Variants in TENM2 observed in about 807,000 individuals in gnomAD.
TENM2 encodes the protein teneurin transmembrane protein 2.
TENM2 carries 52 observed loss-of-function variants against 245.2 expected under a neutral mutation model. The ratio of observed to expected loss-of-function variants is 0.21; its 90% CI spans 0.17 to 0.27. The LOEUF (loss-of-function observed/expected upper bound fraction) is 0.27. TENM2 is among the 10% of genes least tolerant of loss of function. TENM2 has a pLI of 1.00. For synonymous variants in TENM2, 1,363 were observed against 1,438.9 expected (o/e 0.95, Z 1.19); for missense variants, 3,046 against 3,666.8 (o/e 0.83, Z 4.37).
intron 2 of TENM2, among the ~76,000 whole-genome samples, chr5:167,401,150 G>C (rs547311766): frequency 6.6e-6 from 1 of 152,154 alleles, no homozygotes; most frequent in South Asian, 2.1e-4. Context: ...AAAAATAAAA[G>C]CTGAGCGAAC....
At chr5:167,626,964 T>C (rs999277779) in intron 2 of TENM2, among the ~76,000 whole-genome samples, 9 of 152,110 alleles carry the variant, frequency 5.9e-5, no homozygotes, top group African/African-American at 1.9e-4. Context: ...CTGATTAGAG[T>C]TGTCCTCCCT....
chr5:167,535,755 C>A (rs867778884), intron 2 of TENM2, among the ~76,000 whole-genome samples: 1 of 152,176 alleles, frequency 6.6e-6, no homozygotes, highest in African/African-American at 2.4e-5. Flanking sequence ...GACTTCCCAG[C>A]CACCAGAACT....
At chr5:168,138,547 C>T (rs1755263469) in intron 12 of TENM2, among the ~76,000 whole-genome samples, 1 of 152,218 alleles carries the variant, frequency 6.6e-6, no homozygotes, top group South Asian at 2.1e-4. Flanking sequence ...CACAGGTGCT[C>T]GTGGCCCTCC....
rs58260826 is a variant in TENM2 at position 168,243,572 on chromosome 5, A to T, written c.5521-848A>T. 9.4e-3 allele frequency among the ~76,000 whole-genome samples: 1,429 copies of T among 152,312 alleles called. 19 individuals are homozygous for T. The highest frequency in any genetic ancestry group is 0.031 in the African/African-American group (1,273 of 41,556). ...CCACTCTTCTAGGTAACTTTACTTA[A>T]GATTTCATAAGAAATTATGGCACCT... is the stretch of plus-strand genomic sequence containing the variant. On this transcript the variant is annotated intron_variant, in intron 25 of 28. Transcript: ENST00000518659.
At chr5:167,127,119 GATGAATA>G in the TENM2 span, among the ~76,000 whole-genome samples, 2 of 151,938 alleles carry the variant, frequency 1.3e-5, no homozygotes, top group African/African-American at 4.8e-5. Flanking sequence ...GGCCAGGAAA[GATGAATA>G]ATTTTGTCTT....
At chr5:167,639,465 T>TCTTA (rs1224457328) in intron 2 of TENM2, among the ~76,000 whole-genome samples, 1 of 152,208 alleles carries the variant, frequency 6.6e-6, no homozygotes, top group African/African-American at 2.4e-5. Context: ...TGACTTTGTC[T>TCTTA]CTTACCACTT....
At chr5:167,575,302 C>T (rs966231936) in intron 2 of TENM2, among the ~76,000 whole-genome samples, 11 of 151,922 alleles carry the variant, frequency 7.2e-5, no homozygotes, top group Admixed American at 2.0e-4. Context: ...TAAAAGAATC[C>T]TCCTCTGGAA....
intron 2 of TENM2, among the ~76,000 whole-genome samples, chr5:167,854,642 A>G (rs1770902644): frequency 1.3e-5 from 2 of 152,132 alleles, no homozygotes; most frequent in African/African-American, 4.8e-5. Flanking sequence ...AATTGGCATC[A>G]TTTTCAAATA....
chr5:167,243,629 A>G, the TENM2 span, among the ~76,000 whole-genome samples: 1 of 151,938 alleles, frequency 6.6e-6, no homozygotes. Flanking sequence ...GACAGGGCAT[A>G]TTTCTCTCAG....
At chr5:167,895,138 C>A (rs1390254311) in intron 3 of TENM2, among the ~76,000 whole-genome samples, 1 of 152,106 alleles carries the variant, frequency 6.6e-6, no homozygotes, top group Non-Finnish European at 1.5e-5. Context: ...CTGAGACTTT[C>A]TATTAGAATA....
chr5:167,991,204 A>G (rs185022360), intron 4 of TENM2, among the ~76,000 whole-genome samples: 69 of 152,332 alleles, frequency 4.5e-4, no homozygotes, highest in African/African-American at 1.5e-3. Flanking sequence ...CCTACTGAAG[A>G]CATCAAGAGA....
chr5:168,254,110 G>A (rs1476766943), intron 27 of TENM2, among the ~76,000 whole-genome samples: 1 of 152,250 alleles, frequency 6.6e-6, no homozygotes, highest in Non-Finnish European at 1.5e-5. Flanking sequence ...AACACCTGAA[G>A]GTGCTGCACT....
the TENM2 span, among the ~76,000 whole-genome samples, chr5:167,102,056 T>C: frequency 1.3e-5 from 2 of 148,302 alleles, no homozygotes; most frequent in Non-Finnish European, 3.0e-5. Context: ...TGAAACCCCC[T>C]CTCTACTAAA....
chr5:167,372,486 C>T (rs1229120075), intron 1 of TENM2, among the ~76,000 whole-genome samples: 1 of 152,322 alleles, frequency 6.6e-6, no homozygotes, highest in Middle Eastern at 3.4e-3. Flanking sequence ...GTGCTCTTCA[C>T]AAAGCCTCCT....
At chr5:167,613,461 C>A (rs1406768569) in intron 2 of TENM2, among the ~76,000 whole-genome samples, 1 of 152,106 alleles carries the variant, frequency 6.6e-6, no homozygotes, top group Non-Finnish European at 1.5e-5. Context: ...CCAGAATTAA[C>A]CACCTGGTAA....
chr5:168,175,195 A>G (rs1759244950), intron 13 of TENM2, among the ~76,000 whole-genome samples: 1 of 152,198 alleles, frequency 6.6e-6, no homozygotes, highest in African/African-American at 2.4e-5. Context: ...GTTTGACTAG[A>G]AAGTTTATAG....
At chr5:167,548,648 A>T (rs1772729542) in intron 2 of TENM2, among the ~76,000 whole-genome samples, 1 of 152,192 alleles carries the variant, frequency 6.6e-6, no homozygotes, top group Admixed American at 6.5e-5. Context: ...TAATATCATT[A>T]ATCTCTCTCA....
At chr5:167,156,461 T>C in the TENM2 span, among the ~76,000 whole-genome samples, 1 of 152,162 alleles carries the variant, frequency 6.6e-6, no homozygotes, top group Admixed American at 6.5e-5. Context: ...TGGTAATCTG[T>C]AATGGGAATG....
chr5:167,086,219 C>T, the TENM2 span, among the ~76,000 whole-genome samples: 1 of 152,210 alleles, frequency 6.6e-6, no homozygotes. Flanking sequence ...TTTTCAAACA[C>T]CACAATTTTT....
Sources: gnomAD v4.1 joint callset for allele counts (sites outside exome capture counted in the v4.1 genomes callset) on GRCh38, gnomAD v4.1.1 for gene constraint, MANE v1.5 for transcripts, NCBI Gene and HGNC (gene_info 2026-07-23, HGNC 2026-07-21) for gene names.